CALB1: variants seen among roughly 807,000 people sequenced by gnomAD.
CALB1 encodes calbindin 1.
In CALB1, 16 loss-of-function variants were observed where a neutral mutation model predicts 46.7. That is an observed-to-expected ratio of 0.34 (90% confidence interval 0.23 to 0.52). CALB1 has a LOEUF of 0.52. Among genes scored for constraint, CALB1 ranks in the 20% least tolerant of loss-of-function variants. CALB1 has a pLI of 0.95. For synonymous variants in CALB1, 90 were observed against 112.8 expected (o/e 0.80, Z 1.28); for missense variants, 224 against 300.3 (o/e 0.75, Z 1.88).
At chr8:90,074,084 T>C (rs137886756) in intron 3 of CALB1, among the ~76,000 whole-genome samples, 4 of 152,272 alleles carry the variant, frequency 2.6e-5, no homozygotes, top group South Asian at 2.1e-4. Flanking sequence ...TCCAGGAAAT[T>C]TGAAAGGTAA....
chr8:90,082,375 T>C, intron 1 of CALB1: 2 of 605,768 alleles, frequency 3.3e-6, no homozygotes, highest in Non-Finnish European at 2.9e-6. Flanking sequence ...CTCTCTCTCC[T>C]ACCATTACCG....
intron 5 of CALB1, among the ~76,000 whole-genome samples, chr8:90,068,112 G>A (rs973211732): frequency 6.6e-6 from 1 of 152,152 alleles, no homozygotes; most frequent in Admixed American, 6.6e-5. Flanking sequence ...ATTCCTGAAA[G>A]GCTAGTAAAT....
chr8:90,067,010 A>C (rs543279335), intron 5 of CALB1, among the ~76,000 whole-genome samples: 2 of 152,072 alleles, frequency 1.3e-5, no homozygotes, highest in Non-Finnish European at 2.9e-5. Context: ...TTTGATAAAA[A>C]TTTTTTACTT....
rs1238960966 is a variant in CALB1, at chr8:90,082,017, T to G, written c.156+9A>C. The G allele has an allele frequency of 1.8e-5, 29 of 1,611,550 alleles. No homozygotes were observed. The highest frequency in any genetic ancestry group is 2.4e-5 in the Non-Finnish European group (28 of 1,178,552). The stretch of plus-strand genomic sequence containing the variant: ...AGTCTTTTTTTCTTTTTCGCAAACT[T>G]GAACCTACCAATCCAGCCTTCTTTC... On this transcript the variant is annotated intron_variant, in intron 2 of 10. Coordinates refer to ENST00000265431, the MANE Select transcript of CALB1 (RefSeq NM_004929.4).
At chr8:90,080,455 G>A (rs1475742997) in intron 2 of CALB1, among the ~76,000 whole-genome samples, 1 of 151,764 alleles carries the variant, frequency 6.6e-6, no homozygotes, top group Non-Finnish European at 1.5e-5. Flanking sequence ...AAATTTTATG[G>A]AAAGTAAGAC....
At position 90,069,022 on chromosome 8, in the gene CALB1, G is replaced by A. The variant is rs1332422017; in HGVS notation, c.348C>T (p.Gly116=). The A allele has an allele frequency of 1.2e-6, 2 of 1,612,770 alleles. No individual in the cohort carries two copies. Among genetic ancestry groups the A allele is most frequent in the Non-Finnish European group, 1.7e-6 (2 of 1,179,504 alleles). The change falls in exon 5 of 11, where the codon GGC becomes GGT. Residue 116 remains glycine, a synonymous_variant. Transcript: ENST00000265431. ...TWRKYDTDHS[G]FIETEELKNF... is the part of the protein sequence containing the mutation. ...CCTTAAGCTCCTCAGTTTCTATGAA[G>A]CCACTGTGGTCAGTATCATATTTTC...
chr8:90,082,422 C>T (rs1339803361), intron 1 of CALB1, 197 bp downstream of exon 1: 3 of 619,680 alleles, frequency 4.8e-6, no homozygotes, highest in Admixed American at 2.8e-5. Context: ...TTTGGGATTA[C>T]GGTGGAAACA....
At chr8:90,078,494 G>A (rs777389526) in intron 2 of CALB1, 47 bp from the exon 3 acceptor site, 3 of 1,084,766 alleles carry the variant, frequency 2.8e-6, no homozygotes, top group African/African-American at 3.2e-5. Context: ...AAAAATACCA[G>A]TTATGCTTGT....
intron 2 of CALB1, 118 bp downstream of exon 2, chr8:90,081,908 A>G (rs2130256338): frequency 1.3e-6 from 1 of 795,620 alleles, no homozygotes; most frequent in Middle Eastern, 2.4e-4. Context: ...TTTCGCAGTC[A>G]ATAAACGTTT....
At position 90,059,108 on chromosome 8, in the gene CALB1, T is replaced by TG. The variant is rs1043316773; in HGVS notation, c.*1064dup. 3.3e-5 allele frequency: 5 copies of TG among 152,428 alleles called. No homozygotes were observed. Among genetic ancestry groups the TG allele is most frequent in the African/African-American group, 1.2e-4 (5 of 41,468 alleles). 9.4% of individuals were successfully genotyped at this position (152,428 alleles called of 1,614,324 possible). ...CAGATGTTATTTTTTTAAACTCATT[T>TG]GAAACTATTTGCAGATAGAAATAGA... On this transcript the variant is annotated 3_prime_UTR_variant, in exon 11 of 11. Transcript: ENST00000265431.
At chr8:90,081,361 G>T in intron 2 of CALB1, 3 of 318,346 alleles carry the variant, frequency 9.4e-6, no homozygotes, top group Non-Finnish European at 1.4e-5. Flanking sequence ...CAGAAATGAA[G>T]ATCTTTTCTT....
chr8:90,063,226 C>T lies in CALB1; in HGVS notation c.546+55G>A, dbSNP rs995813095. 5.2e-6 allele frequency: 8 copies of T among 1,532,432 alleles called. No homozygotes were observed. In the Admixed American group the frequency reaches 1.2e-4, roughly 23 times the overall value. 94.9% of individuals were successfully genotyped at this position (1,532,432 alleles called of 1,614,324 possible). On this transcript the variant is annotated intron_variant, in intron 8 of 10. Coordinates refer to ENST00000265431, the MANE Select transcript of CALB1 (RefSeq NM_004929.4). ...CAGTATGTTTCCCTTGACAAGTCTC[C>T]CACATTCTAGCTTTTCAAGGAAAAT...
Position 90,078,418 on chromosome 8 carries a change from C to T in CALB1, c.186G>A (p.Val62=). 1 of 1,593,642 alleles carries T rather than the reference C, an allele frequency of 6.3e-7. No homozygotes were observed. Among genetic ancestry groups the T allele is most frequent in the Non-Finnish European group, 8.6e-7 (1 of 1,167,178 alleles). The part of the protein sequence containing the change: ...LELSPEMKTF[V]DQYGQRDDGK... ...CATCATCTCTTTGCCCATACTGATC[C>T]ACAAAAGTTTTCATTTCAGGTGATA... The change falls in exon 3 of 11, where the codon GTG becomes GTA. Residue 62 remains valine (V), a synonymous_variant. Coordinates refer to ENST00000265431, the MANE Select transcript of CALB1 (RefSeq NM_004929.4).
intron 2 of CALB1, among the ~76,000 whole-genome samples, chr8:90,080,663 T>TTA (rs1336454199): frequency 6.6e-6 from 1 of 151,962 alleles, no homozygotes; most frequent in Non-Finnish European, 1.5e-5. Flanking sequence ...TACTTTTAGA[T>TTA]TATATAATAT....
At chr8:90,063,066 AT>A (rs1563673893) in intron 9 of CALB1, 33 bp downstream of exon 9, 1 of 1,518,986 alleles carries the variant, frequency 6.6e-7, no homozygotes. Context: ...TCTTACTTCA[AT>A]AAAAAAGAAA....
chr8:90,059,845 A>G lies in CALB1; in HGVS notation c.*328T>C. ...ACAAATGTGCATTTGCAAATCAGAG[A>G]CTAGAATTTTAGAGATTAATCCTGG... On this transcript the variant is annotated 3_prime_UTR_variant, in exon 11 of 11. Coordinates refer to ENST00000265431, the MANE Select transcript of CALB1 (RefSeq NM_004929.4). 4.4e-6 allele frequency: 1 copy of G among 229,622 alleles called. No homozygotes were observed. The highest frequency in any genetic ancestry group is 9.1e-5 in the East Asian group (1 of 10,998). 14.2% of individuals were successfully genotyped at this position (229,622 alleles called of 1,614,324 possible).
At position 90,082,647 on chromosome 8, in the gene CALB1, G is replaced by A. The variant is rs1814753457; in HGVS notation, c.51C>T (p.Phe17=). The change falls in exon 1 of 11, where the codon TTC becomes TTT. Residue 17 remains phenylalanine (F), a synonymous_variant. Coordinates refer to ENST00000265431, the MANE Select transcript of CALB1 (RefSeq NM_004929.4). The part of the protein sequence containing the change: ...QSSLITASQF[F]EIWLHFDADG... ...CAGCGTCGAAATGGAGCCAGATCTCGAAAAACTGTGAGGCTGTGATGAGGG... is the reference window on the plus strand; with the variant it reads ...CAGCGTCGAAATGGAGCCAGATCTCAAAAAACTGTGAGGCTGTGATGAGGG... 2 of 1,614,084 alleles carry A rather than the reference G, an allele frequency of 1.2e-6. No individual in the cohort carries two copies. Among genetic ancestry groups the A allele is most frequent in the Non-Finnish European group, 1.7e-6 (2 of 1,179,982 alleles).
chr8:90,069,285 A>G (rs1397656584), intron 3 of CALB1, 48 bp from the exon 4 acceptor site: 1 of 1,438,844 alleles, frequency 7.0e-7, no homozygotes, highest in Non-Finnish European at 9.8e-7. Context: ...TTGCTCAAAA[A>G]CAAGTCTCTG....
At position 90,069,236 on chromosome 8, in the gene CALB1, A is replaced by G; in HGVS notation, c.233T>C (p.Leu78Ser). 1 of 1,612,436 alleles carries G rather than the reference A, an allele frequency of 6.2e-7. No homozygotes were observed. Among genetic ancestry groups the G allele is most frequent in the Non-Finnish European group, 8.5e-7 (1 of 1,178,582 alleles). The change falls in exon 4 of 11, where the codon TTG becomes TCG. Residue 78 changes from leucine (L) to serine (S), a missense_variant and splice_region_variant. Physicochemically the swap from Leu to Ser is moderately radical, Grantham distance 145. Coordinates refer to ENST00000265431, the MANE Select transcript of CALB1 (RefSeq NM_004929.4). ...CTCTTCTGTGGGTAATACGTGAGCC[A>G]ACTGGAAAAGATTTAAGAAGAGAGA... ...RDDGKIGIVE[L>S]AHVLPTEENF...
Sources: gnomAD v4.1 joint callset for allele counts (sites outside exome capture counted in the v4.1 genomes callset) on GRCh38, gnomAD v4.1.1 for gene constraint, MANE v1.5 for transcripts, NCBI Gene and HGNC (gene_info 2026-07-23, HGNC 2026-07-21) for gene names.